The following ADAM32 variants were observed in gnomAD, a reference collection of about 807,000 sequenced individuals.
The protein encoded by ADAM32 is ADAM metallopeptidase domain 32, also known as disintegrin and metalloproteinase domain-containing protein 32.
Under a neutral mutation model 114.9 loss-of-function variants are expected in ADAM32, and 89 were observed. The ratio of observed to expected loss-of-function variants is 0.77; its 90% CI spans 0.65 to 0.92. The LOEUF (loss-of-function observed/expected upper bound fraction) is 0.92, where lower values mean the gene tolerates loss of function less well. Among genes scored for constraint, ADAM32 ranks in the 40% least tolerant of loss-of-function variants. The pLI is 0.00. For missense variants in ADAM32, 870 were observed against 932.8 expected (o/e 0.93, Z 0.88); for synonymous variants, 285 against 307.5 (o/e 0.93, Z 0.77).
intron 1 of ADAM32, among the ~76,000 whole-genome samples, chr8:39,108,748 C>G (rs1028809119): frequency 2.0e-5 from 3 of 152,184 alleles, no homozygotes; most frequent in Non-Finnish European, 4.4e-5. Context: ...ACTCTTCTTC[C>G]TATCCTGCCA....
chr8:39,158,168 T>C (rs951137837), intron 6 of ADAM32: 5 of 184,620 alleles, frequency 2.7e-5, no homozygotes, highest in Non-Finnish European at 4.5e-5. Context: ...ACAGTGCCTC[T>C]GTTCACCTGG....
At chr8:39,146,433 C>T (rs1328013862) in intron 3 of ADAM32, among the ~76,000 whole-genome samples, 8 of 127,778 alleles carry the variant, frequency 6.3e-5, no homozygotes, top group Non-Finnish European at 9.6e-5. Context: ...TTTTTTGAGA[C>T]GGAATCTTGC....
chr8:39,177,519 A>C (rs1805604341), intron 10 of ADAM32, among the ~76,000 whole-genome samples: 1 of 152,114 alleles, frequency 6.6e-6, no homozygotes, highest in Admixed American at 6.6e-5. Context: ...ATTTAAAATT[A>C]ATGTTGTTCT....
chr8:39,272,935 AT>A (rs935183656), intron 20 of ADAM32, among the ~76,000 whole-genome samples: 2 of 151,668 alleles, frequency 1.3e-5, no homozygotes, highest in Non-Finnish European at 2.9e-5. Context: ...TTTTGTCTTA[AT>A]TTTTTTTTCT....
intron 16 of ADAM32, among the ~76,000 whole-genome samples, chr8:39,239,862 C>G (rs1353111264): frequency 6.6e-6 from 1 of 151,914 alleles, no homozygotes; most frequent in Non-Finnish European, 1.5e-5. Flanking sequence ...AGGGACTAGT[C>G]CAATAGGAAA....
At chr8:39,205,042 G>C (rs955862675) in intron 11 of ADAM32, among the ~76,000 whole-genome samples, 1 of 152,206 alleles carries the variant, frequency 6.6e-6, no homozygotes, top group Non-Finnish European at 1.5e-5. Context: ...CCCCTACTCA[G>C]GGGTGCCTCC....
chr8:39,233,081 G>A (rs1234679928), intron 15 of ADAM32, among the ~76,000 whole-genome samples: 1 of 152,124 alleles, frequency 6.6e-6, no homozygotes, highest in Non-Finnish European at 1.5e-5. Context: ...TACCAGAAAG[G>A]GGTCTGAATA....
chr8:39,237,704 A>C (rs1045245049), intron 16 of ADAM32, among the ~76,000 whole-genome samples: 2 of 148,518 alleles, frequency 1.3e-5, no homozygotes, highest in Admixed American at 1.3e-4. Context: ...ACCTCCCCCA[A>C]TCCACCACAA....
chr8:39,160,511 G>T (rs898966144), intron 6 of ADAM32, among the ~76,000 whole-genome samples: 11 of 114,582 alleles, frequency 9.6e-5, no homozygotes, highest in African/African-American at 3.8e-4. Flanking sequence ...CTGCACTATA[G>T]CCTGGGCGAC....
intron 15 of ADAM32, among the ~76,000 whole-genome samples, chr8:39,232,926 T>C (rs983531832): frequency 1.3e-5 from 2 of 152,224 alleles, no homozygotes; most frequent in Non-Finnish European, 2.9e-5. Flanking sequence ...GTAAGAGTAT[T>C]AGACTGTAAA....
chr8:39,148,482 T>G (rs141737982), intron 4 of ADAM32, among the ~76,000 whole-genome samples: 16 of 64 alleles, frequency 0.25, no homozygotes, highest in Non-Finnish European at 0.33. Flanking sequence ...TTCCTTTACC[T>G]TTTTTTTTTT....
chr8:39,135,559 G>A (rs1450795679), intron 2 of ADAM32, among the ~76,000 whole-genome samples: 1 of 152,062 alleles, frequency 6.6e-6, no homozygotes, highest in East Asian at 1.9e-4. Context: ...TACATTACTA[G>A]TAAGGAAACT....
intron 11 of ADAM32, among the ~76,000 whole-genome samples, chr8:39,194,530 G>C (rs1156558901): frequency 2.0e-5 from 3 of 152,168 alleles, no homozygotes; most frequent in Admixed American, 6.5e-5. Flanking sequence ...TCATAGACAG[G>C]CTGCAGTGAA....
chr8:39,233,822 A>C, intron 15 of ADAM32, 77 bp from the exon 16 acceptor site: 1 of 1,013,652 alleles, frequency 9.9e-7, no homozygotes, highest in Non-Finnish European at 1.3e-6. Context: ...TTCTTTTTGC[A>C]TCACAGAAAG....
intron 23 of ADAM32, among the ~76,000 whole-genome samples, chr8:39,283,335 C>G (rs542080070): frequency 6.7e-6 from 1 of 149,522 alleles, no homozygotes; most frequent in Non-Finnish European, 1.5e-5. Context: ...TTTGAGCCCC[C>G]AGGAGGTTGA....
chr8:39,171,702 A>G (rs909866725), intron 10 of ADAM32, among the ~76,000 whole-genome samples: 2 of 151,998 alleles, frequency 1.3e-5, no homozygotes, highest in African/African-American at 2.4e-5. Flanking sequence ...TTAAAAATAT[A>G]TATGCCCTTA....
chr8:39,150,216 T>C (rs1036990508), intron 5 of ADAM32, among the ~76,000 whole-genome samples: 4 of 152,158 alleles, frequency 2.6e-5, no homozygotes, highest in Non-Finnish European at 5.9e-5. Context: ...AATTAATCAC[T>C]GTAATGCTGT....
At chr8:39,211,937 T>G (rs1808251014) in intron 12 of ADAM32, among the ~76,000 whole-genome samples, 1 of 152,198 alleles carries the variant, frequency 6.6e-6, no homozygotes, top group East Asian at 1.9e-4. Context: ...CCATATCACA[T>G]TATTTTAATT....
At chr8:39,130,592 G>T (rs1410159392) in intron 2 of ADAM32, among the ~76,000 whole-genome samples, 17 of 151,970 alleles carry the variant, frequency 1.1e-4, no homozygotes, top group Non-Finnish European at 2.1e-4. Context: ...ATGCTATGGT[G>T]TGTTTTTGTT....
Sources: gnomAD v4.1 joint callset for allele counts (sites outside exome capture counted in the v4.1 genomes callset) on GRCh38, gnomAD v4.1.1 for gene constraint, MANE v1.5 for transcripts, NCBI Gene and HGNC (gene_info 2026-07-23, HGNC 2026-07-21) for gene names.